The following LGALS8 variants were observed in gnomAD, a reference collection of about 807,000 sequenced individuals.
LGALS8 encodes the protein galectin-8.
Under a neutral mutation model 35.9 loss-of-function variants are expected in LGALS8, and 30 were observed. The ratio of observed to expected loss-of-function variants is 0.83; its 90% CI spans 0.62 to 1.13. The LOEUF is 1.13. Ranked by LOEUF, LGALS8 falls within the 50% of genes most tolerant of loss-of-function variation. The pLI is 0.00. For synonymous variants in LGALS8, 138 were observed against 136.1 expected, an observed-to-expected ratio of 1.01 and a Z score of -0.10; for missense variants, 366 against 388.7, an observed-to-expected ratio of 0.94 and a Z score of 0.49.
At chr1:236,541,122 GT>G (rs1661964580) in intron 5 of LGALS8, among the ~76,000 whole-genome samples, 1 of 152,132 alleles carries the variant, frequency 6.6e-6, no homozygotes, top group Non-Finnish European at 1.5e-5. Flanking sequence ...CTATGTTTAG[GT>G]AAGTTTATAT....
chr1:236,527,474 T>A (rs1224413344), intron 2 of LGALS8, among the ~76,000 whole-genome samples: 1 of 152,196 alleles, frequency 6.6e-6, no homozygotes, highest in Non-Finnish European at 1.5e-5. Flanking sequence ...AGGGAGATAT[T>A]TTTGGCAAAT....
chr1:236,518,646 G>A (rs149560918), upstream of LGALS8: 254 of 152,152 alleles, frequency 1.7e-3, no homozygotes, highest in African/African-American at 5.9e-3. Context: ...GCAAATTTTT[G>A]CTTTCACATA....
intron 9 of LGALS8, among the ~76,000 whole-genome samples, chr1:236,546,250 T>G (rs1304268647): frequency 1.3e-5 from 2 of 152,214 alleles, no homozygotes; most frequent in Non-Finnish European, 2.9e-5. Context: ...TGTTATATGC[T>G]TTTGAACAAT....
chr1:236,524,164 C>G, intron 1 of LGALS8, 103 bp downstream of exon 1: 1 of 456,692 alleles, frequency 2.2e-6, no homozygotes, highest in Non-Finnish European at 4.4e-6. Context: ...TGTCACGGCT[C>G]CTAAATCACC....
chr1:236,546,339 A>G (rs1354500797), intron 9 of LGALS8, among the ~76,000 whole-genome samples: 1 of 152,200 alleles, frequency 6.6e-6, no homozygotes, highest in Non-Finnish European at 1.5e-5. Context: ...TTCTATACTG[A>G]TAGGTCCTTT....
chr1:236,551,752 G>A lies in LGALS8; in HGVS notation c.*3591G>A, dbSNP rs1662756289. ...AAACCACCACAAAAGAAAAGATCGT[G>A]AAGATTACACTGTAAACGGACTCTC... On this transcript the variant is annotated 3_prime_UTR_variant, in exon 10 of 10. Coordinates refer to ENST00000366584, the MANE Select transcript of LGALS8 (RefSeq NM_201544.4). 2.5e-6 allele frequency: 1 copy of A among 401,866 alleles called. No homozygotes were observed. The highest frequency in any genetic ancestry group is 4.3e-5 in the Admixed American group (1 of 23,426). 24.9% of individuals were successfully genotyped at this position (401,866 alleles called of 1,614,324 possible).
rs767763145 is a variant in LGALS8 at position 236,541,695 on chromosome 1, G to C, written c.507G>C (p.Glu169Asp). 4.6e-6 allele frequency: 7 copies of C among 1,508,946 alleles called. No individual in the cohort carries two copies. The highest frequency in any genetic ancestry group is 2.3e-5 in the East Asian group (1 of 42,772). The allele number at this position is 1,508,946 out of a possible 1,614,324, so 93.5% of individuals were successfully genotyped here. A position where few individuals can be genotyped will look rare whatever the true frequency, so the allele number is the denominator to read the frequency against. ...STQASSLELT[E>D]ISRENVPKSG... ...AAGCATCTAGTCTGGAACTGACAGA[G>C]ATAAGTAGAGAAAATGTAAATATTA... is the stretch of plus-strand genomic sequence containing the variant. Residue 169 changes from glutamate (E) to aspartate (D), a missense_variant, in exon 6 of 10, where the codon GAG (glutamate) becomes GAC (aspartate). Physicochemically the swap from Glu to Asp is conservative, Grantham distance 45. Coordinates refer to ENST00000366584, the MANE Select transcript of LGALS8 (RefSeq NM_201544.4).
At chr1:236,532,513 G>GT (rs549467351) in intron 2 of LGALS8, among the ~76,000 whole-genome samples, 12 of 152,134 alleles carry the variant, frequency 7.9e-5, no homozygotes, top group Non-Finnish European at 2.9e-5. Flanking sequence ...TTCACACCAA[G>GT]TATTACAAAC....
Position 236,551,778 on chromosome 1 carries a change from A to C in LGALS8, c.*3617A>C, listed in dbSNP as rs1467881318. The C allele has an allele frequency of 2.0e-6, 1 of 496,734 alleles. No homozygotes were observed. Among genetic ancestry groups the C allele is most frequent in the Non-Finnish European group, 3.6e-6 (1 of 279,388 alleles). The allele number at this position is 496,734 out of a possible 1,614,324, so 30.8% of individuals were successfully genotyped here. A position where few individuals can be genotyped will look rare whatever the true frequency, so the allele number is the denominator to read the frequency against. ...AAGATTACACTGTAAACGGACTCTC[A>C]AATGATCAGGAGGTGGTCACTTCGC... On this transcript the variant is annotated 3_prime_UTR_variant, in exon 10 of 10. Coordinates refer to ENST00000366584, the MANE Select transcript of LGALS8 (RefSeq NM_201544.4).
intron 3 of LGALS8, 52 bp downstream of exon 3, chr1:236,537,637 T>C (rs1165952543): frequency 7.9e-7 from 1 of 1,270,304 alleles, no homozygotes; most frequent in South Asian, 1.2e-5. Flanking sequence ...CTTTTTGTGA[T>C]TGTGGAATGA....
chr1:236,538,549 C>T (rs2472123), intron 3 of LGALS8, among the ~76,000 whole-genome samples: 92,998 of 152,094 alleles, frequency 0.61, 29,337 homozygotes, highest in Non-Finnish European at 0.69. Flanking sequence ...TTGCTGACTT[C>T]TAAGGCAGTT....
chr1:236,518,776 CA>C (rs1297931499), upstream of LGALS8, among the ~76,000 whole-genome samples: 1 of 152,010 alleles, frequency 6.6e-6, no homozygotes, highest in Non-Finnish European at 1.5e-5. Context: ...ACTTGTATTC[CA>C]AAATTATTGA....
At position 236,544,141 on chromosome 1, in the gene LGALS8, CAG is replaced by C. The variant is rs566205435; in HGVS notation, c.638+494_638+495del. 1.3e-3 allele frequency among the ~76,000 whole-genome samples: 195 copies of C among 152,164 alleles called. 3 individuals carry two copies. Among genetic ancestry groups the C allele is most frequent in the East Asian group, 9.7e-3 (50 of 5,164 alleles). Reference sequence around the variant, plus strand: ...TGAATTTTTGTATTTTTAGTAGAGACAGGGGTTCACCATGTTGGCCAGGCTGG... The same window carrying C: ...TGAATTTTTGTATTTTTAGTAGAGACGGGTTCACCATGTTGGCCAGGCTGG... On this transcript the variant is annotated intron_variant, in intron 8 of 9. Transcript: ENST00000366584.
rs1662537049 is a variant in LGALS8, at chr1:236,548,293, T to G, written c.*132T>G. ...GAGCTTGTGCACCATTAGGTCCTGC[T>G]GGGTGTTCTCAGTCCTTGCCATGAA... On this transcript the variant is annotated 3_prime_UTR_variant, in exon 10 of 10. Coordinates refer to ENST00000366584, the MANE Select transcript of LGALS8 (RefSeq NM_201544.4). 3 of 822,940 alleles carry G rather than the reference T, an allele frequency of 3.6e-6. No homozygotes were observed. In the East Asian group the frequency reaches 8.1e-5, roughly 22 times the overall value. 51.0% of individuals were successfully genotyped at this position (822,940 alleles called of 1,614,324 possible). A position where few individuals can be genotyped will look rare whatever the true frequency, so the allele number is the denominator to read the frequency against.
At chr1:236,529,536 T>A (rs1661021421) in intron 2 of LGALS8, among the ~76,000 whole-genome samples, 1 of 147,886 alleles carries the variant, frequency 6.8e-6, no homozygotes, top group Non-Finnish European at 1.5e-5. Flanking sequence ...GAGCCAAGAT[T>A]GCACAACTGC....
chr1:236,529,899 C>G (rs902975761), intron 2 of LGALS8, among the ~76,000 whole-genome samples: 2 of 152,100 alleles, frequency 1.3e-5, no homozygotes, highest in Non-Finnish European at 2.9e-5. Context: ...GCAATCCGCC[C>G]GCCTCGGCCT....
chr1:236,548,358 A>G lies in LGALS8; in HGVS notation c.*197A>G. On this transcript the variant is annotated 3_prime_UTR_variant, in exon 10 of 10. Transcript: ENST00000366584. ...AGCACTGAATGGGGAAACTGGGGGC[A>G]GCAACACTTATAGCCAGTTAAAGCC... 1.7e-6 allele frequency: 1 copy of G among 579,814 alleles called. No homozygotes were observed. The highest frequency in any genetic ancestry group is 3.0e-6 in the Non-Finnish European group (1 of 329,686). The allele number at this position is 579,814 out of a possible 1,614,324, so 35.9% of individuals were successfully genotyped here.
At chr1:236,545,440 C>T (rs1662303229) in intron 9 of LGALS8, among the ~76,000 whole-genome samples, 1 of 152,180 alleles carries the variant, frequency 6.6e-6, no homozygotes, top group Non-Finnish European at 1.5e-5. Flanking sequence ...ATACCTTTCC[C>T]GAAATATGTT....
chr1:236,519,862 C>G (rs1196471121), upstream of LGALS8, among the ~76,000 whole-genome samples: 1 of 151,062 alleles, frequency 6.6e-6, no homozygotes, highest in Non-Finnish European at 1.5e-5. Context: ...GTGGGGCTTG[C>G]AAACATTTTA....
Sources: gnomAD v4.1 joint callset for allele counts (sites outside exome capture counted in the v4.1 genomes callset) on GRCh38, gnomAD v4.1.1 for gene constraint, MANE v1.5 for transcripts, NCBI Gene and HGNC (gene_info 2026-07-23, HGNC 2026-07-21) for gene names.